The following SORCS3 variants were observed in gnomAD, a reference collection of about 807,000 sequenced individuals.
SORCS3 encodes VPS10 domain-containing receptor SorCS3.
SORCS3 carries 57 observed loss-of-function variants against 146.3 expected under a neutral mutation model. That is an observed-to-expected ratio of 0.39 (90% CI 0.31 to 0.49). The LOEUF (loss-of-function observed/expected upper bound fraction) is 0.49. Ranked by LOEUF, SORCS3 falls within the 20% of genes least tolerant of loss-of-function variation. The pLI is 0.92. For missense variants in SORCS3, 1,341 were observed against 1,575.5 expected (o/e 0.85, Z 2.52); for synonymous variants, 653 against 618.5 (o/e 1.06, Z -0.83).
At chr10:104,787,355 CA>C (rs1344296156) in intron 1 of SORCS3, among the ~76,000 whole-genome samples, 1 of 152,192 alleles carries the variant, frequency 6.6e-6, no homozygotes, top group Admixed American at 6.5e-5. Flanking sequence ...AATAATTTTG[CA>C]GAATGATGAA....
At chr10:104,735,477 T>TTTTTTTTTTTTTTTTC (rs1564671258) in intron 1 of SORCS3, among the ~76,000 whole-genome samples, 1 of 141,878 alleles carries the variant, frequency 7.0e-6, no homozygotes, top group African/African-American at 2.6e-5. Context: ...TTTTTTTTTT[T>TTTTTTTTTTTTTTTTC]AATCAATCCC....
chr10:105,167,384 T>C (rs2056323005), intron 13 of SORCS3, 35 bp downstream of exon 13: 1 of 1,502,294 alleles, frequency 6.7e-7, no homozygotes, highest in South Asian at 1.1e-5. Flanking sequence ...AATGAGCTAA[T>C]GAGCAGCTTT....
chr10:104,799,160 G>T (rs1023230327), intron 1 of SORCS3, among the ~76,000 whole-genome samples: 1 of 152,176 alleles, frequency 6.6e-6, no homozygotes, highest in Non-Finnish European at 1.5e-5. Flanking sequence ...TCTAGAACTA[G>T]AATTACCATT....
At chr10:104,656,670 AC>A (rs2015634658) in intron 1 of SORCS3, among the ~76,000 whole-genome samples, 1 of 152,172 alleles carries the variant, frequency 6.6e-6, no homozygotes, top group Non-Finnish European at 1.5e-5. Flanking sequence ...TTAAAAAAAA[AC>A]AAAAAGAAAA....
rs775048537 is a variant in SORCS3 at position 105,124,827 on chromosome 10, G to A, written c.1213-14570G>A. On this transcript the variant is annotated intron_variant, in intron 7 of 26. Coordinates refer to ENST00000369701, the MANE Select transcript of SORCS3 (RefSeq NM_014978.3). The stretch of plus-strand genomic sequence containing the variant: ...TGAGAAAAATGTTCTCGGAAGAGAC[G>A]TACACCTTGTAATAATGTGCAGGGG... Among the ~76,000 whole-genome samples, 16 of 152,036 alleles carry A rather than the reference G, an allele frequency of 1.1e-4. 1 individual carries two copies. Among genetic ancestry groups the A allele is most frequent in the South Asian group, 8.3e-4 (4 of 4,816 alleles).
intron 1 of SORCS3, among the ~76,000 whole-genome samples, chr10:104,706,007 T>C (rs991198488): frequency 4.6e-5 from 7 of 152,018 alleles, no homozygotes; most frequent in African/African-American, 9.7e-5. Context: ...GAAATCTCTC[T>C]CCAATAACAG....
At chr10:105,244,280 T>A (rs1255553213) in intron 20 of SORCS3, among the ~76,000 whole-genome samples, 2 of 151,534 alleles carry the variant, frequency 1.3e-5, no homozygotes, top group Non-Finnish European at 1.5e-5. Flanking sequence ...AAAAAATATA[T>A]ATATATATAT....
At chr10:105,008,115 T>A (rs199529193) in intron 4 of SORCS3, among the ~76,000 whole-genome samples, 3,205 of 152,238 alleles carry the variant, frequency 0.021, 103 homozygotes, top group East Asian at 0.16. Flanking sequence ...TCTGGGAAGC[T>A]TTTTTGATCT....
chr10:104,856,083 T>C (rs184624633), intron 2 of SORCS3, among the ~76,000 whole-genome samples: 1 of 152,272 alleles, frequency 6.6e-6, no homozygotes, highest in African/African-American at 2.4e-5. Context: ...GCTAGGCGTT[T>C]TCTGAATGCA....
chr10:105,108,403 A>G (rs2055837168), intron 7 of SORCS3, among the ~76,000 whole-genome samples: 2 of 152,202 alleles, frequency 1.3e-5, no homozygotes, highest in South Asian at 4.1e-4. Context: ...CAGAATTGCC[A>G]GTCGCAGCTG....
intron 1 of SORCS3, among the ~76,000 whole-genome samples, chr10:104,673,917 A>T (rs2015885111): frequency 6.6e-6 from 1 of 152,248 alleles, no homozygotes; most frequent in South Asian, 2.1e-4. Flanking sequence ...TTGGTTGGTG[A>T]TGCCATAATT....
At chr10:105,019,343 C>G (rs1019928578) in intron 4 of SORCS3, among the ~76,000 whole-genome samples, 2 of 152,180 alleles carry the variant, frequency 1.3e-5, no homozygotes, top group Admixed American at 1.3e-4. Context: ...GGCCAGTTGT[C>G]TCCATTGCCC....
At chr10:104,975,058 G>A (rs2054886765) in intron 3 of SORCS3, among the ~76,000 whole-genome samples, 1 of 152,114 alleles carries the variant, frequency 6.6e-6, no homozygotes, top group African/African-American at 2.4e-5. Flanking sequence ...TTTCTGCCGA[G>A]AGATCCCCTG....
At chr10:104,646,981 T>C (rs1343823648) in intron 1 of SORCS3, among the ~76,000 whole-genome samples, 1 of 152,090 alleles carries the variant, frequency 6.6e-6, no homozygotes, top group Non-Finnish European at 1.5e-5. Context: ...CACTTGATAA[T>C]GTTTGACTGA....
intron 1 of SORCS3, among the ~76,000 whole-genome samples, chr10:104,793,600 T>A (rs746544502): frequency 6.6e-6 from 1 of 152,124 alleles, no homozygotes; most frequent in African/African-American, 2.4e-5. Context: ...ATTGAATGAG[T>A]TGGCAAACAA....
At chr10:105,250,394 T>C (rs2056891819) in intron 22 of SORCS3, among the ~76,000 whole-genome samples, 1 of 152,144 alleles carries the variant, frequency 6.6e-6, no homozygotes, top group South Asian at 2.1e-4. Flanking sequence ...TTTTAGGAAA[T>C]AACTTGTAAT....
chr10:105,008,502 T>G (rs902139301), intron 4 of SORCS3, among the ~76,000 whole-genome samples: 8 of 152,224 alleles, frequency 5.3e-5, no homozygotes, highest in African/African-American at 1.4e-4. Context: ...CTATGGTTTT[T>G]GTTGCATTGA....
At chr10:105,060,167 T>G (rs1313613477) in intron 5 of SORCS3, among the ~76,000 whole-genome samples, 1 of 152,132 alleles carries the variant, frequency 6.6e-6, no homozygotes, top group East Asian at 1.9e-4. Context: ...AAAGATGGTT[T>G]CAATTTCAAC....
intron 1 of SORCS3, among the ~76,000 whole-genome samples, chr10:104,754,384 G>A (rs1743864601): frequency 6.6e-6 from 1 of 152,178 alleles, no homozygotes; most frequent in African/African-American, 2.4e-5. Context: ...TGATTGGATT[G>A]TATGGCCAGG....
Sources: allele counts gnomAD v4.1 joint callset (sites outside exome capture counted in the v4.1 genomes callset), GRCh38; gene constraint gnomAD v4.1.1; transcripts MANE v1.5; gene names NCBI Gene and HGNC (gene_info 2026-07-23, HGNC 2026-07-21).